CYSLTR2: variants seen among roughly 807,000 people sequenced by gnomAD.
CYSLTR2 encodes G-protein coupled receptor GPCR21.
For synonymous variants in CYSLTR2, 179 were observed against 160.8 expected (o/e 1.11, Z -0.86); for missense variants, 398 against 411.9 (o/e 0.97, Z 0.29).
intron 1 of CYSLTR2, among the ~76,000 whole-genome samples, chr13:48,684,996 C>T (rs1310776387): frequency 6.6e-6 from 1 of 152,162 alleles, no homozygotes; most frequent in South Asian, 2.1e-4. Context: ...GGATTCTTCC[C>T]CAGAGCCTTC....
At chr13:48,681,964 A>T (rs1953767070) in intron 1 of CYSLTR2, among the ~76,000 whole-genome samples, 1 of 152,190 alleles carries the variant, frequency 6.6e-6, no homozygotes, top group African/African-American at 2.4e-5. Flanking sequence ...GTTCTTTAAG[A>T]CTAAAGTAGG....
chr13:48,707,051 A>G lies in CYSLTR2; in HGVS notation c.234A>G (p.Leu78=). ...CCACATCTGTGAACGTTTTCATGCT[A>G]AATCTGGCCATTTCAGATCTCCTGT... ...KKSTSVNVFM[L]NLAISDLLFI... is the part of the protein sequence containing the mutation. Residue 78 remains leucine, a synonymous_variant, in exon 5 of 5, where the codon CTA becomes CTG. Coordinates refer to ENST00000682523, the MANE Select transcript of CYSLTR2 (RefSeq NM_001308476.3). 1 of 1,614,170 alleles carries G rather than the reference A, an allele frequency of 6.2e-7. No homozygotes were observed. Among genetic ancestry groups the G allele is most frequent in the South Asian group, 1.1e-5 (1 of 91,082 alleles).
intron 1 of CYSLTR2, among the ~76,000 whole-genome samples, chr13:48,681,500 T>TTCCCCAATGAGGTCTGCCTTCC (rs1953754051): frequency 6.6e-6 from 1 of 152,168 alleles, no homozygotes; most frequent in African/African-American, 2.4e-5. Flanking sequence ...ACAGATGGAC[T>TTCCCCAATGAGGTCTGCCTTCC]TCCCCAATGA....
chr13:48,654,296 TGTGTGTGTGA>T (rs59343560), intron 1 of CYSLTR2, among the ~76,000 whole-genome samples: 7,448 of 66,640 alleles, frequency 0.11, 297 homozygotes, highest in African/African-American at 0.3. Flanking sequence ...TGTGTGTGTG[TGTGTGTGTGA>T]GTGTGTGTGT....
intron 1 of CYSLTR2, among the ~76,000 whole-genome samples, chr13:48,684,113 C>T (rs981221747): frequency 1.3e-5 from 2 of 151,208 alleles, no homozygotes; most frequent in African/African-American, 2.4e-5. Context: ...TTGTAGAGAT[C>T]GGGGGGGGTC....
At chr13:48,668,759 TC>T (rs1953336840) in intron 1 of CYSLTR2, among the ~76,000 whole-genome samples, 1 of 151,962 alleles carries the variant, frequency 6.6e-6, no homozygotes, top group African/African-American at 2.4e-5. Flanking sequence ...CCTCCCCTTG[TC>T]CCCCAACCCC....
rs1478881193 is a variant in CYSLTR2 at position 48,707,534 on chromosome 13, G to C, written c.717G>C (p.Arg239=). The C allele has an allele frequency of 6.2e-7, 1 of 1,608,882 alleles. No homozygotes were observed. Among genetic ancestry groups the C allele is most frequent in the South Asian group, 1.1e-5 (1 of 91,074 alleles). ...LKVEVPESGL[R]VSHRKALTTI... is the part of the protein sequence containing the mutation. ...TGGAGGTCCCAGAATCGGGGCTGCG[G>C]GTTTCTCACAGGAAGGCACTGACCA... is the stretch of plus-strand genomic sequence containing the variant. Residue 239 remains arginine, a synonymous_variant, in exon 5 of 5, where the codon CGG becomes CGC. Coordinates refer to ENST00000682523, the MANE Select transcript of CYSLTR2 (RefSeq NM_001308476.3).
chr13:48,704,444 AT>A (rs1041454136), intron 4 of CYSLTR2, among the ~76,000 whole-genome samples: 5 of 149,112 alleles, frequency 3.4e-5, no homozygotes, highest in East Asian at 2.0e-4. Context: ...TTTTCATTTC[AT>A]TTTTTTCTCT....
Position 48,693,172 on chromosome 13 carries a change from A to T in CYSLTR2, c.-175-266A>T, listed in dbSNP as rs139001649. ...TTATAGAACTAGTGGAATCTTGTTGAACTCATACAACTAATGTAGAAAATT... is the reference window on the plus strand; with the variant it reads ...TTATAGAACTAGTGGAATCTTGTTGTACTCATACAACTAATGTAGAAAATT... On this transcript the variant is annotated intron_variant, in intron 2 of 4. Transcript: ENST00000682523. Among the ~76,000 whole-genome samples the T allele has an allele frequency of 4.4e-3, 670 of 151,970 alleles. 3 individuals are homozygous for T. The highest frequency in any genetic ancestry group is 0.014 in the Middle Eastern group (4 of 294).
chr13:48,670,717 C>T (rs144745836), intron 1 of CYSLTR2, among the ~76,000 whole-genome samples: 9,134 of 152,226 alleles, frequency 0.06, 322 homozygotes, highest in African/African-American at 0.079. Flanking sequence ...AGTGTTATGC[C>T]TCCAGCTTTG....
chr13:48,672,806 C>T (rs560508536), intron 1 of CYSLTR2, among the ~76,000 whole-genome samples: 15 of 151,696 alleles, frequency 9.9e-5, no homozygotes, highest in South Asian at 6.2e-4. Flanking sequence ...TTAGTAGAGG[C>T]GGGGTTTCAC....
intron 1 of CYSLTR2, among the ~76,000 whole-genome samples, chr13:48,676,318 T>C (rs1292525338): frequency 6.6e-6 from 1 of 152,120 alleles, no homozygotes; most frequent in Non-Finnish European, 1.5e-5. Context: ...GAAAGTCATA[T>C]TTGTGGTTGA....
chr13:48,696,189 A>G (rs1483658714), intron 3 of CYSLTR2, among the ~76,000 whole-genome samples: 1 of 152,216 alleles, frequency 6.6e-6, no homozygotes, highest in Non-Finnish European at 1.5e-5. Flanking sequence ...CTATCTGTAT[A>G]TCCCCTGAAA....
In CYSLTR2 at chr13:48,707,718, A is replaced by G. The variant is rs1381256102; in HGVS notation, c.901A>G (p.Asn301Asp). ...CTTGGCAGCAGCCAATGCCTGCTTC[A>G]ATCCTCTGCTCTATTACTTTGCTGG... ...LALAAANACF[N>D]PLLYYFAGEN... Residue 301 changes from asparagine (N) to aspartate (D), a missense_variant, in exon 5 of 5, where the codon AAT (asparagine) becomes GAT (aspartate). Transcript: ENST00000682523. The G allele has an allele frequency of 6.2e-7, 1 of 1,613,076 alleles. No homozygotes were observed. Among genetic ancestry groups the G allele is most frequent in the Non-Finnish European group, 8.5e-7 (1 of 1,179,218 alleles).
intron 2 of CYSLTR2, among the ~76,000 whole-genome samples, chr13:48,693,135 A>G (rs1278452250): frequency 6.6e-6 from 1 of 151,674 alleles, no homozygotes; most frequent in Non-Finnish European, 1.5e-5. Flanking sequence ...TAAAATTCTA[A>G]ATTTAGACAA....
chr13:48,697,867 G>A (rs941413856), intron 4 of CYSLTR2, among the ~76,000 whole-genome samples: 12 of 152,172 alleles, frequency 7.9e-5, no homozygotes, highest in Non-Finnish European at 1.2e-4. Context: ...ACTATGTGAC[G>A]CATGCACAAG....
intron 1 of CYSLTR2, among the ~76,000 whole-genome samples, chr13:48,679,749 G>T (rs1025441720): frequency 2.0e-5 from 3 of 152,160 alleles, no homozygotes; most frequent in African/African-American, 7.2e-5. Flanking sequence ...GCTTGAGGTT[G>T]GGGGAGCTGA....
rs7335898 is a variant in CYSLTR2 at position 48,668,470 on chromosome 13, C to A, written c.-266+14453C>A. Among the ~76,000 whole-genome samples, 58 of 152,028 alleles carry A rather than the reference C, an allele frequency of 3.8e-4. No individual in the cohort carries two copies. The Middle Eastern group carries it at 0.014, about 36-fold the overall frequency. On this transcript the variant is annotated intron_variant, in intron 1 of 4. Transcript: ENST00000682523. ...GTCTTGGCTACCTGGTCTTGAAGAA[C>A]AGTAAAATAATAACAATAATACCAG...
chr13:48,694,149 C>T (rs1204989482), intron 3 of CYSLTR2, among the ~76,000 whole-genome samples: 1 of 151,744 alleles, frequency 6.6e-6, no homozygotes, highest in Non-Finnish European at 1.5e-5. Flanking sequence ...GGGCAAAGGT[C>T]AATTGTCTAC....
Sources: gnomAD v4.1 joint callset for allele counts (sites outside exome capture counted in the v4.1 genomes callset) on GRCh38, gnomAD v4.1.1 for gene constraint, MANE v1.5 for transcripts, NCBI Gene and HGNC (gene_info 2026-07-23, HGNC 2026-07-21) for gene names.